The following TP53BP1 variants were observed in gnomAD, a reference collection of about 807,000 sequenced individuals.
TP53BP1 encodes the protein TP53-binding protein 1.
In TP53BP1, 61 loss-of-function variants were observed where a neutral mutation model predicts 200.8. The ratio of observed to expected loss-of-function variants is 0.30; its 90% CI spans 0.25 to 0.38. The LOEUF (loss-of-function observed/expected upper bound fraction) is 0.38. Among genes scored for constraint, TP53BP1 ranks in the 10% least tolerant of loss-of-function variants. The probability of loss-of-function intolerance (pLI) is 1.00; values close to 1 mark genes in which losing one functional copy is unlikely to be tolerated. For missense variants in TP53BP1, 2,144 were observed against 2,371.9 expected (o/e 0.90, Z 2.00); for synonymous variants, 822 against 844.3 (o/e 0.97, Z 0.46).
intron 11 of TP53BP1, among the ~76,000 whole-genome samples, chr15:43,460,910 C>T (rs1027825498): frequency 2.7e-5 from 4 of 150,208 alleles, no homozygotes; most frequent in African/African-American, 7.3e-5. Context: ...TCTGTGGTCA[C>T]AGCTACTTGG....
At position 43,421,052 on chromosome 15, in the gene TP53BP1, C is replaced by T. The variant is rs1392592073; in HGVS notation, c.4223G>A (p.Arg1408His). ...VTPRGRGRRGRPPSRTTGTRE... is the reference protein window; with the variant it reads ...VTPRGRGRRGHPPSRTTGTRE... The stretch of plus-strand genomic sequence containing the variant: ...GGTTCCAGTGGTCCGAGAAGGTGGG[C>T]GGCCCCTTCGCCCACGCCCACGAGG... The change falls in exon 20 of 28, where the codon CGC (arginine) becomes CAC (histidine). Residue 1408 changes from arginine (R) to histidine (H), a missense_variant. This residue lies in a region of TP53BP1 where 1,700 missense variants were observed against 1,710.3 expected (regional missense o/e 0.99). Coordinates refer to ENST00000382044, the MANE Select transcript of TP53BP1 (RefSeq NM_001141980.3). 1.2e-6 allele frequency: 2 copies of T among 1,613,566 alleles called. No individual in the cohort carries two copies. The highest frequency in any genetic ancestry group is 8.5e-7 in the Non-Finnish European group (1 of 1,179,834).
At chr15:43,435,336 T>C (rs1454622273) in intron 16 of TP53BP1, among the ~76,000 whole-genome samples, 5 of 147,466 alleles carry the variant, frequency 3.4e-5, no homozygotes, top group Admixed American at 2.7e-4. Flanking sequence ...ATTTAACAAA[T>C]GTCTAACTAT....
chr15:43,473,654 T>C (rs2046781513), intron 10 of TP53BP1, among the ~76,000 whole-genome samples: 1 of 151,366 alleles, frequency 6.6e-6, no homozygotes, highest in Non-Finnish European at 1.5e-5. Flanking sequence ...TGTGGATTGG[T>C]GCATTCACAA....
Position 43,432,374 on chromosome 15 carries a change from G to C in TP53BP1, c.3495C>G (p.Ser1165=). The change falls in exon 17 of 28, where the codon TCC becomes TCG. Residue 1165 remains serine, a synonymous_variant. Transcript: ENST00000382044. Reference sequence around the variant, plus strand: ...CTGAAACAGTTTCTGGGACCCTCAAGGAACACTCCATGGTTTGGATTCCTA... The same window carrying C: ...CTGAAACAGTTTCTGGGACCCTCAACGAACACTCCATGGTTTGGATTCCTA... ...NNIGIQTMEC[S]LRVPETVSAA... The C allele has an allele frequency of 6.2e-7, 1 of 1,614,150 alleles. No homozygotes were observed. The highest frequency in any genetic ancestry group is 8.5e-7 in the Non-Finnish European group (1 of 1,180,010).
At chr15:43,417,675 AAAG>A (rs1195783103) in intron 21 of TP53BP1, among the ~76,000 whole-genome samples, 1 of 152,320 alleles carries the variant, frequency 6.6e-6, no homozygotes, top group South Asian at 2.1e-4. Context: ...TTTACACCTG[AAAG>A]AAGAACGAAT....
rs1197154061 is a variant in TP53BP1, at chr15:43,403,672, T to C, written c.*3711A>G. On this transcript the variant is annotated 3_prime_UTR_variant, in exon 28 of 28. Transcript: ENST00000382044. ...CTTCCTTTCCTAATGCCAACTCTGT[T>C]TCCCGGGTAGGTGTTTCACTGCCTG... 5 of 1,599,164 alleles carry C rather than the reference T, an allele frequency of 3.1e-6. No homozygotes were observed. In the Admixed American group the frequency reaches 6.7e-5, roughly 21 times the overall value.
At chr15:43,471,943 A>G (rs1248442479) in intron 10 of TP53BP1, among the ~76,000 whole-genome samples, 1 of 152,218 alleles carries the variant, frequency 6.6e-6, no homozygotes, top group Non-Finnish European at 1.5e-5. Flanking sequence ...GATACCTACA[A>G]CTGATTTTAA....
At chr15:43,427,618 A>G (rs1263773751) in intron 18 of TP53BP1, among the ~76,000 whole-genome samples, 2 of 152,208 alleles carry the variant, frequency 1.3e-5, no homozygotes, top group South Asian at 2.1e-4. Flanking sequence ...AGTGTTGCAC[A>G]GGAAAGCGGG....
chr15:43,478,643 C>G (rs898460706), intron 7 of TP53BP1, among the ~76,000 whole-genome samples: 14 of 152,132 alleles, frequency 9.2e-5, no homozygotes, highest in Non-Finnish European at 1.9e-4. Context: ...CAATTCCTAC[C>G]AAGTTAAGAG....
Position 43,403,812 on chromosome 15 carries a change from G to A in TP53BP1, c.*3571C>T. On this transcript the variant is annotated 3_prime_UTR_variant, in exon 28 of 28. Transcript: ENST00000382044. ...CATTCTCGTGAAGGTGCGTCTGCCTGGAAGTATGCAGCCTTGCCGAAAGGA... is the reference window on the plus strand; with the variant it reads ...CATTCTCGTGAAGGTGCGTCTGCCTAGAAGTATGCAGCCTTGCCGAAAGGA... 1 of 1,595,440 alleles carries A rather than the reference G, an allele frequency of 6.3e-7. No homozygotes were observed. Among genetic ancestry groups the A allele is most frequent in the South Asian group, 1.1e-5 (1 of 90,694 alleles).
chr15:43,487,845 T>C (rs906868531), intron 4 of TP53BP1, among the ~76,000 whole-genome samples: 1 of 149,996 alleles, frequency 6.7e-6, no homozygotes, highest in African/African-American at 2.4e-5. Context: ...TTCTCAATAG[T>C]AGTCAAAAAC....
chr15:43,488,809 G>C (rs771675054), intron 4 of TP53BP1, among the ~76,000 whole-genome samples: 1 of 152,042 alleles, frequency 6.6e-6, no homozygotes, highest in Non-Finnish European at 1.5e-5. Context: ...CAAGAGAATC[G>C]CTTGAACCTG....
intron 18 of TP53BP1, 59 bp downstream of exon 18, chr15:43,427,957 C>CA (rs35437737): frequency 0.18 from 175,126 of 992,166 alleles, 2,543 homozygotes; most frequent in African/African-American, 0.25. Context: ...ACCCTGTCTC[C>CA]AAAAAAAAAA....
Position 43,404,578 on chromosome 15 carries a change from G to A in TP53BP1, c.*2805C>T, listed in dbSNP as rs372486465. ...GTAGGAGCAACCCTTGGGTAACTCA[G>A]TAGACTTTTTAAGGTGGCTTTTTAA... On this transcript the variant is annotated 3_prime_UTR_variant, in exon 28 of 28. Transcript: ENST00000382044. The A allele has an allele frequency of 1.2e-4, 200 of 1,609,996 alleles. No individual in the cohort carries two copies. The highest frequency in any genetic ancestry group is 1.6e-4 in the Non-Finnish European group (188 of 1,178,280).
intron 17 of TP53BP1, among the ~76,000 whole-genome samples, chr15:43,429,410 G>C (rs1351955181): frequency 6.6e-6 from 1 of 152,112 alleles, no homozygotes; most frequent in Non-Finnish European, 1.5e-5. Context: ...CCGTAATTCT[G>C]AAGAGAAAAT....
rs1426380443 is a variant in TP53BP1, at chr15:43,406,576, A to G, written c.*807T>C. 2 of 455,854 alleles carry G rather than the reference A, an allele frequency of 4.4e-6. No homozygotes were observed. Among genetic ancestry groups the G allele is most frequent in the Non-Finnish European group, 8.8e-6 (2 of 226,774 alleles). The allele number at this position is 455,854 out of a possible 1,614,324, so 28.2% of individuals were successfully genotyped here. A position where few individuals can be genotyped will look rare whatever the true frequency, so the allele number is the denominator to read the frequency against. ...GATCAAATGGCCCACAAAGCCTGAA[A>G]TATTTACTCTTTGACCCTTTACAGA... On this transcript the variant is annotated 3_prime_UTR_variant, in exon 28 of 28. Transcript: ENST00000382044.
At chr15:43,419,102 C>T (rs1053047737) in intron 21 of TP53BP1, among the ~76,000 whole-genome samples, 1 of 152,170 alleles carries the variant, frequency 6.6e-6, no homozygotes. Context: ...CACCTGTAAT[C>T]CTAGCTACTC....
chr15:43,472,714 T>C (rs951382423), intron 10 of TP53BP1, among the ~76,000 whole-genome samples: 1 of 152,220 alleles, frequency 6.6e-6, no homozygotes, highest in Non-Finnish European at 1.5e-5. Context: ...TATTAATAAG[T>C]CCAGTTCTTC....
Position 43,403,839 on chromosome 15 carries a change from A to G in TP53BP1, c.*3544T>C, listed in dbSNP as rs2044762051. On this transcript the variant is annotated 3_prime_UTR_variant, in exon 28 of 28. Transcript: ENST00000382044. ...AAGTATGCAGCCTTGCCGAAAGGAC[A>G]GAGGTGGTTTTGCCAATGGAGAATT... 1 of 1,508,902 alleles carries G rather than the reference A, an allele frequency of 6.6e-7. No homozygotes were observed. The highest frequency in any genetic ancestry group is 1.4e-5 in the African/African-American group (1 of 72,964). The allele number at this position is 1,508,902 out of a possible 1,614,324, so 93.5% of individuals were successfully genotyped here.
Sources: gnomAD v4.1 joint callset for allele counts (sites outside exome capture counted in the v4.1 genomes callset) on GRCh38, gnomAD v4.1.1 for gene constraint, gnomAD v4.1.1 regional missense constraint, MANE v1.5 for transcripts, NCBI Gene and HGNC (gene_info 2026-07-23, HGNC 2026-07-21) for gene names.